Variants in SRRM2 observed in about 807,000 individuals in gnomAD.
SRRM2 encodes serine/arginine repetitive matrix protein 2.
Under a neutral mutation model 213.8 loss-of-function variants are expected in SRRM2, and 30 were observed. That is an observed-to-expected ratio of 0.14 (90% CI 0.10 to 0.19). The LOEUF is 0.19. Ranked by LOEUF, SRRM2 falls within the 10% of genes least tolerant of loss-of-function variation. The pLI, the probability that SRRM2 is intolerant of heterozygous loss-of-function variation, is 1.00. For synonymous variants in SRRM2, 2,025 were observed against 1,377.7 expected, an observed-to-expected ratio of 1.47 and a Z score of -10.40; for missense variants, 4,904 against 3,647.0, an observed-to-expected ratio of 1.34 and a Z score of -8.88.
intron 1 of SRRM2, among the ~76,000 whole-genome samples, 159 bp from the exon 2 acceptor site, chr16:2,756,175 T>C (rs2068132901): frequency 6.6e-6 from 1 of 152,240 alleles, no homozygotes; most frequent in Admixed American, 6.5e-5. Flanking sequence ...AGTGGTTTTC[T>C]TGGGAGACCA....
At position 2,766,696 on chromosome 16, in the gene SRRM2, C is replaced by A. The variant is rs1346664475; in HGVS notation, c.6168C>A (p.Ser2056=). The A allele has an allele frequency of 1.9e-6, 3 of 1,614,192 alleles. No individual in the cohort carries two copies. In the Admixed American group the frequency reaches 5.0e-5, roughly 27 times the overall value. ...SPLAIRRRSR[S]RTPRTARGKR... ...TTGCTATCCGCCGCCGCTCCAGATC[C>A]CGTACTCCACGAACAGCTCGGGGTA... is the stretch of plus-strand genomic sequence containing the variant. Residue 2056 remains serine, a synonymous_variant, in exon 11 of 15, where the codon TCC becomes TCA. Transcript: ENST00000301740. The surrounding 1 kb of genome is among the most constrained non-coding windows in gnomAD (Gnocchi z 7.0).
chr16:2,760,622 T>A, intron 10 of SRRM2, 123 bp downstream of exon 10: 1 of 1,119,592 alleles, frequency 8.9e-7, no homozygotes, highest in South Asian at 1.6e-5. Context: ...TTTTCCTGCA[T>A]TTCTCTCCTA....
chr16:2,756,940 T>G (rs961280540), intron 2 of SRRM2, among the ~76,000 whole-genome samples: 1 of 151,950 alleles, frequency 6.6e-6, no homozygotes, highest in Non-Finnish European at 1.5e-5. Flanking sequence ...CTGATAGGTG[T>G]TGTCATTGGT....
In SRRM2 at chr16:2,771,277, T is replaced by G; in HGVS notation, c.*410T>G. 1.2e-6 allele frequency: 1 copy of G among 818,836 alleles called. No homozygotes were observed. Among genetic ancestry groups the G allele is most frequent in the Non-Finnish European group, 2.0e-6 (1 of 490,286 alleles). The allele number at this position is 818,836 out of a possible 1,614,324, so 50.7% of individuals were successfully genotyped here. ...AGGAAGGGGCAGGAGTTGGAATTAG[T>G]TGGTCCCTACTGTCCCCCATGAGGT... On this transcript the variant is annotated 3_prime_UTR_variant, in exon 15 of 15. Coordinates refer to ENST00000301740, the MANE Select transcript of SRRM2 (RefSeq NM_016333.4).
In SRRM2 at chr16:2,763,702, A is replaced by G; in HGVS notation, c.3174A>G (p.Lys1058=). ...TTGGTGTCTCATCTCTGCAACTGAA[A>G]GGACAATCTCAAACTTCACCAGACC... ...SYFGVSSLQL[K]GQSQTSPDHR... is the part of the protein sequence containing the mutation. Residue 1058 remains lysine (K), a synonymous_variant, in exon 11 of 15, where the codon AAA becomes AAG. Transcript: ENST00000301740. The G allele has an allele frequency of 6.2e-7, 1 of 1,614,230 alleles. No homozygotes were observed. Among genetic ancestry groups the G allele is most frequent in the Non-Finnish European group, 8.5e-7 (1 of 1,180,040 alleles).
At chr16:2,754,907 T>C (rs2150769744) in intron 1 of SRRM2, among the ~76,000 whole-genome samples, 1 of 152,362 alleles carries the variant, frequency 6.6e-6, no homozygotes, top group South Asian at 2.1e-4. Context: ...ATATTGGGTC[T>C]GCTACTGGGC....
chr16:2,771,132 G>A lies in SRRM2; in HGVS notation c.*265G>A. 2 of 623,288 alleles carry A rather than the reference G, an allele frequency of 3.2e-6. No homozygotes were observed. Among genetic ancestry groups the A allele is most frequent in the South Asian group, 2.0e-5 (1 of 50,760 alleles). The allele number at this position is 623,288 out of a possible 1,614,324, so 38.6% of individuals were successfully genotyped here. ...GGGAGTTGGGGGAGGGGAGGATACAGTTCAGGATACCCCAGCCTGGAGTCA... is the reference window on the plus strand; with the variant it reads ...GGGAGTTGGGGGAGGGGAGGATACAATTCAGGATACCCCAGCCTGGAGTCA... On this transcript the variant is annotated 3_prime_UTR_variant, in exon 15 of 15. Transcript: ENST00000301740.
At chr16:2,769,355 G>A in intron 12 of SRRM2, 71 bp downstream of exon 12, 1 of 1,496,980 alleles carries the variant, frequency 6.7e-7, no homozygotes. Flanking sequence ...GCCCTGGGGT[G>A]TGAGCTCCCC....
At position 2,765,383 on chromosome 16, in the gene SRRM2, G is replaced by C; in HGVS notation, c.4855G>C (p.Asp1619His). ...RAAPRAQSGS[D>H]SSPEPKAPAP... ...AGCACCCAGGGCACAGAGTGGTTCT[G>C]ATTCCTCTCCTGAACCTAAAGCTCC... Residue 1619 changes from aspartate (D) to histidine (H), a missense_variant, in exon 11 of 15, where the codon GAT becomes CAT. Physicochemically the swap from Asp to His is moderately conservative, Grantham distance 81. Coordinates refer to ENST00000301740, the MANE Select transcript of SRRM2 (RefSeq NM_016333.4). 10 of 1,614,178 alleles carry C rather than the reference G, an allele frequency of 6.2e-6. No individual in the cohort carries two copies. The highest frequency in any genetic ancestry group is 2.7e-5 in the African/African-American group (2 of 75,044).
In SRRM2 at chr16:2,768,139, G is replaced by C. The variant is rs202145894; in HGVS notation, c.7611G>C (p.Ser2537=). 3.7e-6 allele frequency: 6 copies of C among 1,613,472 alleles called. No individual in the cohort carries two copies. The highest frequency in any genetic ancestry group is 1.7e-5 in the Admixed American group (1 of 59,944). Reference sequence around the variant, plus strand: ...AGCGGCGGAGTTCCTCCTCGTCGTCGTCGTCCTCTAGCTCCTCCTCTTCTT... The same window carrying C: ...AGCGGCGGAGTTCCTCCTCGTCGTCCTCGTCCTCTAGCTCCTCCTCTTCTT... ...AKERRSSSSS[S]SSSSSSSSSS... is the part of the protein sequence containing the mutation. Residue 2537 remains serine, a synonymous_variant, in exon 11 of 15, where the codon TCG becomes TCC. Coordinates refer to ENST00000301740, the MANE Select transcript of SRRM2 (RefSeq NM_016333.4).
chr16:2,762,626 G>A lies in SRRM2; in HGVS notation c.2098G>A (p.Gly700Arg). Reference sequence around the variant, plus strand: ...GTCTCGGTCTAGGACACCAAGACGAGGAAGATCCCGCAGTAGAAGCTTAGT... The same window carrying A: ...GTCTCGGTCTAGGACACCAAGACGAAGAAGATCCCGCAGTAGAAGCTTAGT... ...GRSRSRTPRR[G>R]RSRSRSLVRR... Residue 700 changes from glycine to arginine, a missense_variant, in exon 11 of 15, where the codon GGA (glycine) becomes AGA (arginine). Coordinates refer to ENST00000301740, the MANE Select transcript of SRRM2 (RefSeq NM_016333.4). The A allele has an allele frequency of 6.2e-7, 1 of 1,614,088 alleles. No individual in the cohort carries two copies. Among genetic ancestry groups the A allele is most frequent in the Non-Finnish European group, 8.5e-7 (1 of 1,180,008 alleles).
At chr16:2,768,809 C>G (rs2068632868) in intron 11 of SRRM2, 188 bp from the exon 12 acceptor site, 2 of 1,176,560 alleles carry the variant, frequency 1.7e-6, no homozygotes, top group Non-Finnish European at 1.2e-6. Flanking sequence ...CAGCCTGTTG[C>G]TTCTGTTAGC....
Position 2,768,086 on chromosome 16 carries a change from G to A in SRRM2, c.7558G>A (p.Ala2520Thr), listed in dbSNP as rs112321557. The A allele has an allele frequency of 1.9e-5, 31 of 1,614,162 alleles. No homozygotes were observed. The African/African-American group carries it at 3.9e-4, about 20-fold the overall frequency. Residue 2520 changes from alanine (A) to threonine (T), a missense_variant, in exon 11 of 15, where the codon GCA (alanine) becomes ACA (threonine). By Grantham distance (58) the Ala-to-Thr change is moderately conservative (BLOSUM62 0). Coordinates refer to ENST00000301740, the MANE Select transcript of SRRM2 (RefSeq NM_016333.4). ...CTCTACTGGGGCCCAGCAGCCTTCT[G>A]CATTAGCCGCCCTGCAGCCAGCAAA... The part of the protein sequence containing the change: ...PASTGAQQPS[A>T]LAALQPAKER...
rs748777934 is a variant in SRRM2 at position 2,762,863 on chromosome 16, C to T, written c.2335C>T (p.Leu779Phe). Residue 779 changes from leucine (L) to phenylalanine (F), a missense_variant, in exon 11 of 15, where the codon CTT becomes TTT. Leu to Phe is a conservative substitution (Grantham distance 22). Transcript: ENST00000301740. Reference sequence around the variant, plus strand: ...ATCTCGCTTGTCTTTGAGGCGCAGCCTTTCAGGGTCTTCCCCATGCCCTAA... The same window carrying T: ...ATCTCGCTTGTCTTTGAGGCGCAGCTTTTCAGGGTCTTCCCCATGCCCTAA... ...AKSRLSLRRS[L>F]SGSSPCPKQK... 1.9e-6 allele frequency: 3 copies of T among 1,614,212 alleles called. No individual in the cohort carries two copies. The highest frequency in any genetic ancestry group is 1.6e-4 in the Middle Eastern group (1 of 6,062).
At chr16:2,761,478 T>G in intron 10 of SRRM2, 83 bp from the exon 11 acceptor site, 2 of 1,180,532 alleles carry the variant, frequency 1.7e-6, no homozygotes, top group South Asian at 4.5e-5. Context: ...AAGTTATCAT[T>G]GGAAAGGGTG....
intron 10 of SRRM2, 32 bp downstream of exon 10, chr16:2,760,531 T>C (rs1250240832): frequency 1.9e-6 from 3 of 1,609,346 alleles, no homozygotes; most frequent in East Asian, 2.2e-5. Context: ...GTTCATTGGA[T>C]TGCAAATGTA....
rs763921265 is a variant in SRRM2 at position 2,763,925 on chromosome 16, C to G, written c.3397C>G (p.Pro1133Ala). The G allele has an allele frequency of 4.2e-5, 68 of 1,614,194 alleles. 3 individuals carry two copies. The South Asian group carries it at 6.9e-4, about 16-fold the overall frequency. ...ASPMLKSGMS[P>A]EQSRFQSDSS... ...TCCTATGTTGAAATCTGGAATGTCTCCTGAGCAGAGCAGGTTCCAGTCTGA... is the reference window on the plus strand; with the variant it reads ...TCCTATGTTGAAATCTGGAATGTCTGCTGAGCAGAGCAGGTTCCAGTCTGA... The change falls in exon 11 of 15, where the codon CCT (proline) becomes GCT (alanine). Residue 1133 changes from proline (P) to alanine (A), a missense_variant. Physicochemically the swap from Pro to Ala is conservative, Grantham distance 27. Coordinates refer to ENST00000301740, the MANE Select transcript of SRRM2 (RefSeq NM_016333.4).
Position 2,766,323 on chromosome 16 carries a change from G to A in SRRM2, c.5795G>A (p.Arg1932His), listed in dbSNP as rs757822781. The A allele has an allele frequency of 2.7e-5, 44 of 1,613,996 alleles. No individual in the cohort carries two copies. Among genetic ancestry groups the A allele is most frequent in the Admixed American group, 1.2e-4 (7 of 60,006 alleles). The change falls in exon 11 of 15, where the codon CGC becomes CAC. Residue 1932 changes from arginine (R) to histidine (H), a missense_variant. Arg to His is a conservative substitution (Grantham distance 29). Coordinates refer to ENST00000301740, the MANE Select transcript of SRRM2 (RefSeq NM_016333.4). The surrounding 1 kb of genome is among the most constrained non-coding windows in gnomAD (Gnocchi z 7.0). Reference sequence around the variant, plus strand: ...AGATCCAGAACGCCACCAGTAACCCGCCGTCGTTCAAGGTCTAGAACGCCA... The same window carrying A: ...AGATCCAGAACGCCACCAGTAACCCACCGTCGTTCAAGGTCTAGAACGCCA... ...RSRSRTPPVT[R>H]RRSRSRTPTT...
intron 1 of SRRM2, among the ~76,000 whole-genome samples, chr16:2,754,628 G>C (rs1756716674): frequency 6.6e-6 from 1 of 152,142 alleles, no homozygotes; most frequent in Admixed American, 6.5e-5. Context: ...ATTTTTGTGT[G>C]AGGTGGTATG....
Sources: gnomAD v4.1 joint callset for allele counts (sites outside exome capture counted in the v4.1 genomes callset) on GRCh38, gnomAD v4.1.1 for gene constraint, Gnocchi (gnomAD v3.1) non-coding constraint, MANE v1.5 for transcripts, NCBI Gene and HGNC (gene_info 2026-07-23, HGNC 2026-07-21) for gene names.